Variants in TRAK1 observed in about 807,000 individuals in gnomAD.
The protein encoded by TRAK1 is trafficking kinesin protein 1, also known as trafficking kinesin-binding protein 1.
In TRAK1, 33 loss-of-function variants were observed where a neutral mutation model predicts 92.1. The observed-to-expected ratio is 0.36, with a 90% CI of 0.27 to 0.48. The LOEUF (loss-of-function observed/expected upper bound fraction) is 0.48. Among genes scored for constraint, TRAK1 ranks in the 20% least tolerant of loss-of-function variants. The pLI, the probability that TRAK1 is intolerant of heterozygous loss-of-function variation, is 0.99. For synonymous variants in TRAK1, 521 were observed against 517.3 expected (o/e 1.01, Z -0.10); for missense variants, 1,123 against 1,257.9 (o/e 0.89, Z 1.62).
At chr3:42,165,356 C>T (rs1701733595) in intron 2 of TRAK1, among the ~76,000 whole-genome samples, 1 of 152,160 alleles carries the variant, frequency 6.6e-6, no homozygotes, top group Non-Finnish European at 1.5e-5. Flanking sequence ...AAATGCCAGT[C>T]AGTGGTGGGA....
In TRAK1 at chr3:42,193,853, G is replaced by A. The variant is rs60098029; in HGVS notation, c.930G>A (p.Gln310=). The change falls in exon 9 of 16, where the codon CAG becomes CAA. Residue 310 remains glutamine (Q), a synonymous_variant. Transcript: ENST00000327628. ...CAGTGGAAAATGAAGAACTTGTCCA[G>A]CATCTGGGGGCTGCTAAGGATGCCC... ...ACAVENEELV[Q]HLGAAKDAQR... 2,400 of 1,614,150 alleles carry A rather than the reference G, an allele frequency of 1.5e-3. 29 individuals are homozygous for A. In the African/African-American group the frequency reaches 0.028, roughly 19 times the overall value.
Position 42,191,623 on chromosome 3 carries a change from C to G in TRAK1, c.756C>G (p.Cys252Trp). Residue 252 changes from cysteine (C) to tryptophan (W), a missense_variant, in exon 7 of 16, where the codon TGC becomes TGG. Around this residue, in one of 3 missense-constraint regions of TRAK1, gnomAD observed 686 missense variants for 747.6 expected, o/e 0.92. Coordinates refer to ENST00000327628, the MANE Select transcript of TRAK1 (RefSeq NM_001042646.3). ...AGGAGCAGCAGCTGGTCAATGACTGCGTGAAGGAGCTGAGTATGTCCCCGC... is the reference window on the plus strand; with the variant it reads ...AGGAGCAGCAGCTGGTCAATGACTGGGTGAAGGAGCTGAGTATGTCCCCGC... ...EEKEQQLVND[C>W]VKELRDANVQ... is the part of the protein sequence containing the mutation. 6.2e-7 allele frequency: 1 copy of G among 1,601,940 alleles called. No individual in the cohort carries two copies. Among genetic ancestry groups the G allele is most frequent in the Non-Finnish European group, 8.5e-7 (1 of 1,174,146 alleles).
chr3:42,203,731 T>C, intron 13 of TRAK1: 10 of 981,898 alleles, frequency 1.0e-5, no homozygotes, highest in Non-Finnish European at 1.1e-5. Context: ...TATTGTCCCC[T>C]CTAAGGAGCC....
chr3:42,185,824 A>C (rs1704736712), intron 4 of TRAK1, among the ~76,000 whole-genome samples: 1 of 151,424 alleles, frequency 6.6e-6, no homozygotes, highest in African/African-American at 2.4e-5. Flanking sequence ...GGTGCCTGCC[A>C]CCACACCCAG....
chr3:42,053,311 C>G (rs1227773087), intron 1 of TRAK1, among the ~76,000 whole-genome samples: 1 of 151,138 alleles, frequency 6.6e-6, no homozygotes, highest in Non-Finnish European at 1.5e-5. Flanking sequence ...ACCGCCTCCC[C>G]CTCCCTGCCT....
At position 42,173,951 on chromosome 3, in the gene TRAK1, G is replaced by A. The variant is rs144419833; in HGVS notation, c.287-2863G>A. ...TGTGACATTGGGTGAGTTATTCAGC[G>A]TCTCTGGGCCTTAGTTTTCTGTTGT... On this transcript the variant is annotated intron_variant, in intron 2 of 15. Transcript: ENST00000327628. Among the ~76,000 whole-genome samples the A allele has an allele frequency of 2.2e-4, 34 of 152,224 alleles. No homozygotes were observed. The East Asian group carries it at 3.7e-3, about 16-fold the overall frequency.
At chr3:42,062,764 A>C (rs1703503441) in intron 1 of TRAK1, among the ~76,000 whole-genome samples, 1 of 152,190 alleles carries the variant, frequency 6.6e-6, no homozygotes, top group Non-Finnish European at 1.5e-5. Flanking sequence ...CTCATCAGTG[A>C]AGTCTTCACT....
chr3:42,095,041 C>T (rs574921977), intron 1 of TRAK1, among the ~76,000 whole-genome samples: 4 of 152,350 alleles, frequency 2.6e-5, no homozygotes, highest in African/African-American at 9.6e-5. Context: ...TATTCATGTT[C>T]ATCTCACCCA....
intron 1 of TRAK1, among the ~76,000 whole-genome samples, chr3:42,114,468 A>G (rs1708902433): frequency 6.6e-6 from 1 of 152,090 alleles, no homozygotes; most frequent in Non-Finnish European, 1.5e-5. Flanking sequence ...GATTGTTTTT[A>G]TTCCTTTCTT....
At chr3:42,136,053 G>A (rs907961233) in intron 2 of TRAK1, among the ~76,000 whole-genome samples, 9 of 152,150 alleles carry the variant, frequency 5.9e-5, no homozygotes, top group Admixed American at 4.6e-4. Context: ...TCGATGCTAA[G>A]TTTGTACCTC....
At chr3:42,217,324 G>A in intron 14 of TRAK1, 1 of 985,320 alleles carries the variant, frequency 1.0e-6, no homozygotes, top group Non-Finnish European at 1.2e-6. Flanking sequence ...TGGTATTTTG[G>A]AAGGGCCAAA....
chr3:42,073,318 ATCTT>A (rs1664933055), intron 1 of TRAK1, among the ~76,000 whole-genome samples: 1 of 152,096 alleles, frequency 6.6e-6, no homozygotes, highest in African/African-American at 2.4e-5. Flanking sequence ...GCTCGTCTAA[ATCTT>A]TCTTATTCTG....
At chr3:42,200,753 G>A (rs1707409027) in intron 11 of TRAK1, 65 bp from the exon 12 acceptor site, 1 of 1,544,096 alleles carries the variant, frequency 6.5e-7, no homozygotes, top group Non-Finnish European at 8.9e-7. Flanking sequence ...GATCATTTTT[G>A]GAGGGTTAAA....
chr3:42,059,431 C>T (rs1438074605), intron 1 of TRAK1, among the ~76,000 whole-genome samples: 4 of 152,254 alleles, frequency 2.6e-5, no homozygotes, highest in African/African-American at 9.6e-5. Context: ...AATGACTTGT[C>T]TTCATCAGTT....
chr3:42,121,591 G>A (rs1317089482), intron 1 of TRAK1, among the ~76,000 whole-genome samples: 2 of 152,160 alleles, frequency 1.3e-5, no homozygotes, highest in Middle Eastern at 3.4e-3. Context: ...CTTCTGTTAC[G>A]TTTACCTGAT....
intron 1 of TRAK1, among the ~76,000 whole-genome samples, chr3:42,119,357 C>G (rs1709558863): frequency 6.6e-6 from 1 of 151,888 alleles, no homozygotes; most frequent in Non-Finnish European, 1.5e-5. Flanking sequence ...TCTAAAAACT[C>G]AGATTTGTGA....
Position 42,127,496 on chromosome 3 carries a change from G to A in TRAK1, c.286+1882G>A, listed in dbSNP as rs377662073. On this transcript the variant is annotated intron_variant, in intron 2 of 15. Coordinates refer to ENST00000327628, the MANE Select transcript of TRAK1 (RefSeq NM_001042646.3). ...GCTTCCTGAGTAGCTAGGACTACAT[G>A]TATGTACCACGTACCACCACGCTCA... 1.2e-4 allele frequency among the ~76,000 whole-genome samples: 18 copies of A among 151,938 alleles called. 1 individual carries two copies. In the East Asian group the frequency reaches 1.4e-3, roughly 11 times the overall value.
At chr3:42,058,628 GCCA>G (rs1031057226) in intron 1 of TRAK1, among the ~76,000 whole-genome samples, 4 of 151,794 alleles carry the variant, frequency 2.6e-5, no homozygotes, top group African/African-American at 9.7e-5. Flanking sequence ...ACAGGCATGA[GCCA>G]CCATGCCTGG....
intron 1 of TRAK1, among the ~76,000 whole-genome samples, chr3:42,035,883 T>A (rs1414876518): frequency 6.6e-6 from 1 of 152,232 alleles, no homozygotes; most frequent in Non-Finnish European, 1.5e-5. Flanking sequence ...TATAGAGAAC[T>A]CTGCCCACCC....
Sources: gnomAD v4.1 joint callset for allele counts (sites outside exome capture counted in the v4.1 genomes callset) on GRCh38, gnomAD v4.1.1 for gene constraint, gnomAD v4.1.1 regional missense constraint, MANE v1.5 for transcripts, NCBI Gene and HGNC (gene_info 2026-07-23, HGNC 2026-07-21) for gene names.